Variants in PASD1 observed in about 807,000 individuals in gnomAD.
PASD1 encodes the protein PAS domain containing repressor 1, also known as circadian clock protein PASD1.
A neutral mutation model predicts 58.8 loss-of-function variants in PASD1; 13 were observed. The ratio of observed to expected loss-of-function variants is 0.22; its 90% CI spans 0.14 to 0.35. PASD1 has a LOEUF of 0.35. PASD1 is among the 10% of genes least tolerant of loss of function. PASD1 has a pLI of 1.00. For missense variants in PASD1, 734 were observed against 568.3 expected, an observed-to-expected ratio of 1.29 and a Z score of -2.96; for synonymous variants, 236 against 216.7, an observed-to-expected ratio of 1.09 and a Z score of -0.78.
intron 8 of PASD1, 133 bp downstream of exon 8, chrX:151,625,663 G>A: frequency 1.9e-6 from 1 of 524,752 alleles, no homozygotes; most frequent in Non-Finnish European, 3.1e-6. Flanking sequence ...AAACAAACGG[G>A]CCAGGGATGG....
intron 1 of PASD1, among the ~76,000 whole-genome samples, chrX:151,586,034 A>G (rs1253296640): frequency 9.0e-6 from 1 of 111,639 alleles, no homozygotes; most frequent in Non-Finnish European, 1.9e-5. Context: ...CAGTTTGACC[A>G]TGGAAGAGGA....
chrX:151,601,012 C>T (rs1167825120), intron 1 of PASD1, among the ~76,000 whole-genome samples: 2 of 112,349 alleles, frequency 1.8e-5, no homozygotes, highest in East Asian at 5.6e-4. Context: ...TCAGTGATTT[C>T]AGGGCTATTG....
At chrX:151,611,051 C>T (rs1034653023) in intron 3 of PASD1, among the ~76,000 whole-genome samples, 1 of 111,759 alleles carries the variant, frequency 8.9e-6, no homozygotes, top group Non-Finnish European at 1.9e-5. Context: ...GGAAGATAGT[C>T]TCAAGGCAAA....
chrX:151,590,363 C>A (rs1226867171), intron 1 of PASD1, among the ~76,000 whole-genome samples: 1 of 111,347 alleles, frequency 9.0e-6, no homozygotes, highest in Non-Finnish European at 1.9e-5. Context: ...TAAACTCTTT[C>A]CTAGTCCCCT....
Position 151,676,098 on chromosome X carries a change from C to T in PASD1, c.2277C>T (p.Thr759=). 1 of 1,210,293 alleles carries T rather than the reference C, an allele frequency of 8.3e-7. No homozygotes were observed. Among genetic ancestry groups the T allele is most frequent in the Non-Finnish European group, 1.1e-6 (1 of 894,995 alleles). Residue 759 remains threonine (T), a synonymous_variant, in exon 16 of 16, where the codon ACC becomes ACT. Transcript: ENST00000370357. ...QPDQMRSAEQ[T]RLMPAEQRDS... ...ACCAGATGAGATCTGCGGAGCAGAC[C>T]AGATTGATGCCTGCAGAGCAACGTG...
In PASD1 at chrX:151,676,282, T is replaced by C; in HGVS notation, c.*139T>C. ...GGGTAGAGACTTATTTGTTTCCTGATAGGTTATGTTTGTAATTGTTTGTTA... is the reference window on the plus strand; with the variant it reads ...GGGTAGAGACTTATTTGTTTCCTGACAGGTTATGTTTGTAATTGTTTGTTA... On this transcript the variant is annotated 3_prime_UTR_variant, in exon 16 of 16. Transcript: ENST00000370357. 2 of 617,090 alleles carry C rather than the reference T, an allele frequency of 3.2e-6. No homozygotes were observed. Among genetic ancestry groups the C allele is most frequent in the Non-Finnish European group, 4.8e-6 (2 of 416,768 alleles). 50.9% of individuals were successfully genotyped at this position (617,090 alleles called of 1,213,427 possible).
At chrX:151,603,906 T>G (rs1468209473) in intron 2 of PASD1, among the ~76,000 whole-genome samples, 1 of 112,092 alleles carries the variant, frequency 8.9e-6, no homozygotes, top group African/African-American at 3.2e-5. Context: ...GCTATGGGTC[T>G]CATTTTTCTG....
intron 4 of PASD1, among the ~76,000 whole-genome samples, chrX:151,617,975 G>T (rs149360432): frequency 0.01 from 1,150 of 111,874 alleles, 18 homozygotes; most frequent in African/African-American, 0.036. Context: ...TGAATGAGTG[G>T]TCTCCACAGA....
chrX:151,659,530 G>A (rs1230953139), intron 9 of PASD1, among the ~76,000 whole-genome samples, 183 bp from the exon 10 acceptor site: 1 of 112,074 alleles, frequency 8.9e-6, no homozygotes, highest in Non-Finnish European at 1.9e-5. Flanking sequence ...ATCTCCGCTT[G>A]TTATCTTCCA....
chrX:151,628,023 A>G (rs2013814180), intron 8 of PASD1, among the ~76,000 whole-genome samples: 1 of 111,490 alleles, frequency 9.0e-6, no homozygotes, highest in Non-Finnish European at 1.9e-5. Flanking sequence ...GTGTCTGTTC[A>G]TATCCTTCGC....
At chrX:151,664,819 C>A (rs921656523) in intron 11 of PASD1, among the ~76,000 whole-genome samples, 1 of 112,027 alleles carries the variant, frequency 8.9e-6, no homozygotes, top group African/African-American at 3.2e-5. Flanking sequence ...ACATGCATTT[C>A]AGAGTCGTTA....
intron 1 of PASD1, among the ~76,000 whole-genome samples, chrX:151,599,296 C>T (rs1486934686): frequency 5.3e-5 from 6 of 113,012 alleles, no homozygotes; most frequent in African/African-American, 1.6e-4. Context: ...TCGACAAAAC[C>T]GCCATCGTCA....
intron 9 of PASD1, among the ~76,000 whole-genome samples, chrX:151,653,196 A>ATAT (rs1556201549): frequency 1.2e-5 from 1 of 84,678 alleles, no homozygotes; most frequent in Non-Finnish European, 2.4e-5. Flanking sequence ...ATATATATAT[A>ATAT]TTTTTTTTTT....
intron 8 of PASD1, among the ~76,000 whole-genome samples, chrX:151,630,275 T>G (rs753192914): frequency 5.4e-5 from 6 of 111,757 alleles, no homozygotes; most frequent in African/African-American, 9.8e-5. Flanking sequence ...ATGTGATGGA[T>G]TGTTGGTGGA....
chrX:151,622,640 G>A (rs1397891457), intron 6 of PASD1, among the ~76,000 whole-genome samples: 3 of 104,342 alleles, frequency 2.9e-5, no homozygotes, highest in Non-Finnish European at 5.9e-5. Flanking sequence ...CTACCCATAT[G>A]GTCTATATAA....
At chrX:151,652,603 A>C (rs2014146099) in intron 9 of PASD1, among the ~76,000 whole-genome samples, 1 of 111,324 alleles carries the variant, frequency 9.0e-6, no homozygotes, top group Non-Finnish European at 1.9e-5. Flanking sequence ...AGAAGGTGAC[A>C]AGACTTATTG....
intron 4 of PASD1, among the ~76,000 whole-genome samples, chrX:151,612,440 A>T (rs1244042993): frequency 9.2e-6 from 1 of 108,991 alleles, no homozygotes; most frequent in African/African-American, 3.3e-5. Context: ...CCGACAGTGT[A>T]AAAGTGTTCC....
At chrX:151,670,804 T>C (rs754376674) in intron 11 of PASD1, among the ~76,000 whole-genome samples, 1 of 112,512 alleles carries the variant, frequency 8.9e-6, no homozygotes, top group Admixed American at 9.4e-5. Context: ...CCAATTCCAC[T>C]TCTTTCTTTT....
In PASD1 at chrX:151,672,226, GGCAGCT is replaced by G; in HGVS notation, c.1484_1489del (p.Gln495_Leu496del). The G allele has an allele frequency of 8.8e-7, 1 of 1,137,203 alleles. No individual in the cohort carries two copies. The highest frequency in any genetic ancestry group is 1.2e-6 in the Non-Finnish European group (1 of 850,800). The allele number at this position is 1,137,203 out of a possible 1,213,427, so 93.7% of individuals were successfully genotyped here. A position where few individuals can be genotyped will look rare whatever the true frequency, so the allele number is the denominator to read the frequency against. ...GAACAACACCTGAAGGAGCAGCAGCGGCAGCTGCGGGAGCAGCTGCAACAGCTGAGA... is the reference window on the plus strand; with the variant it reads ...GAACAACACCTGAAGGAGCAGCAGCGGCGGGAGCAGCTGCAACAGCTGAGA... On this transcript the variant is annotated inframe_deletion, in exon 14 of 16. Transcript: ENST00000370357.
Sources: allele counts gnomAD v4.1 joint callset (sites outside exome capture counted in the v4.1 genomes callset), GRCh38; gene constraint gnomAD v4.1.1; transcripts MANE v1.5; gene names NCBI Gene and HGNC (gene_info 2026-07-23, HGNC 2026-07-21).